SNCAIP: variants seen among roughly 807,000 people sequenced by gnomAD.
SNCAIP encodes synuclein alpha interacting protein.
A neutral mutation model predicts 86.7 loss-of-function variants in SNCAIP; 43 were observed. That is an observed-to-expected ratio of 0.50 (90% CI 0.39 to 0.64). SNCAIP has a LOEUF of 0.64. Ranked by LOEUF, SNCAIP falls within the 30% of genes least tolerant of loss-of-function variation. The pLI, the probability that SNCAIP is intolerant of heterozygous loss-of-function variation, is 0.00. For synonymous variants in SNCAIP, 417 were observed against 427.2 expected (o/e 0.98, Z 0.29); for missense variants, 981 against 1,103.1 (o/e 0.89, Z 1.57).
chr5:122,399,796 A>C (rs2152862612), intron 2 of SNCAIP, among the ~76,000 whole-genome samples: 1 of 152,288 alleles, frequency 6.6e-6, no homozygotes, highest in African/African-American at 2.4e-5. Context: ...ATCAGGAAAT[A>C]ATATAGGACA....
intron 5 of SNCAIP, among the ~76,000 whole-genome samples, chr5:122,427,064 T>C (rs1419796556): frequency 6.6e-6 from 1 of 152,222 alleles, no homozygotes; most frequent in Non-Finnish European, 1.5e-5. Context: ...ATTCTTGCAG[T>C]GCTAATGAGT....
At chr5:122,423,890 G>A (rs957046257) in intron 4 of SNCAIP, 151 bp downstream of exon 4, 6 of 668,936 alleles carry the variant, frequency 9.0e-6, no homozygotes, top group Non-Finnish European at 1.2e-5. Flanking sequence ...GACCTTTTGA[G>A]TTTTAAAATA....
At chr5:122,442,453 A>C (rs1581298312) in intron 7 of SNCAIP, among the ~76,000 whole-genome samples, 1 of 152,298 alleles carries the variant, frequency 6.6e-6, no homozygotes, top group East Asian at 1.9e-4. Flanking sequence ...GAGAGCTGAA[A>C]GTTTTTCTAT....
At chr5:122,391,916 C>T (rs919101936) in intron 2 of SNCAIP, among the ~76,000 whole-genome samples, 2 of 152,156 alleles carry the variant, frequency 1.3e-5, no homozygotes, top group Non-Finnish European at 2.9e-5. Context: ...GCCTGGAGTG[C>T]CCCAGCAAAA....
intron 2 of SNCAIP, among the ~76,000 whole-genome samples, chr5:122,397,157 A>C (rs565857329): frequency 2.0e-5 from 3 of 152,276 alleles, no homozygotes; most frequent in Non-Finnish European, 4.4e-5. Context: ...AATTAGCTAG[A>C]AAATGGTGAA....
chr5:122,350,761 G>C (rs943019002), intron 1 of SNCAIP, among the ~76,000 whole-genome samples: 1 of 152,200 alleles, frequency 6.6e-6, no homozygotes, highest in African/African-American at 2.4e-5. Context: ...TTTGCAGCAA[G>C]CCTGACCAAA....
chr5:122,389,110 T>C (rs983899484), intron 1 of SNCAIP: 2 of 152,264 alleles, frequency 1.3e-5, no homozygotes, highest in Non-Finnish European at 2.9e-5. Context: ...TACACTCAAC[T>C]GGATATTGCT....
chr5:122,400,528 C>T (rs1465889729), intron 2 of SNCAIP, among the ~76,000 whole-genome samples: 1 of 152,132 alleles, frequency 6.6e-6, no homozygotes, highest in African/African-American at 2.4e-5. Flanking sequence ...TTATGGAAGC[C>T]AACACCTACA....
intron 2 of SNCAIP, among the ~76,000 whole-genome samples, chr5:122,400,739 G>C (rs1342492330): frequency 2.6e-5 from 4 of 152,206 alleles, no homozygotes; most frequent in Admixed American, 2.6e-4. Context: ...GGAACAGAAA[G>C]TAAACAAAAT....
intron 3 of SNCAIP, among the ~76,000 whole-genome samples, chr5:122,417,463 G>A (rs545562505): frequency 3.3e-5 from 5 of 152,260 alleles, no homozygotes; most frequent in African/African-American, 1.2e-4. Flanking sequence ...ATGTTTTGTA[G>A]GAAATAGATG....
intron 1 of SNCAIP, among the ~76,000 whole-genome samples, chr5:122,328,811 G>C (rs745480754): frequency 6.6e-6 from 1 of 152,122 alleles, no homozygotes; most frequent in Admixed American, 6.5e-5. Context: ...TTGCCCACTT[G>C]TCCAGCTTCA....
chr5:122,399,890 C>G (rs1434914164), intron 2 of SNCAIP, among the ~76,000 whole-genome samples: 1 of 152,038 alleles, frequency 6.6e-6, no homozygotes, highest in African/African-American at 2.4e-5. Context: ...CTCAGAGTTC[C>G]TGATTCAGTA....
chr5:122,384,788 A>G (rs893700126), intron 1 of SNCAIP, among the ~76,000 whole-genome samples: 1 of 152,168 alleles, frequency 6.6e-6, no homozygotes, highest in Non-Finnish European at 1.5e-5. Flanking sequence ...TCTTACAAAC[A>G]TGCCAGAAAT....
intron 8 of SNCAIP, among the ~76,000 whole-genome samples, chr5:122,445,862 C>T (rs1782190258): frequency 6.6e-6 from 1 of 151,542 alleles, no homozygotes; most frequent in Admixed American, 6.6e-5. Context: ...GGGAAATGTC[C>T]CTTCTCTCTC....
At chr5:122,362,521 G>A (rs376634574) in intron 1 of SNCAIP, among the ~76,000 whole-genome samples, 5 of 152,154 alleles carry the variant, frequency 3.3e-5, no homozygotes, top group African/African-American at 1.2e-4. Context: ...CAGTATTGAC[G>A]TGAAGAGAAT....
chr5:122,422,448 A>G (rs147357175), intron 3 of SNCAIP, among the ~76,000 whole-genome samples: 31 of 152,314 alleles, frequency 2.0e-4, no homozygotes, highest in Non-Finnish European at 3.2e-4. Context: ...ATGTGTGTGC[A>G]TGTGTGCATA....
chr5:122,322,854 A>G (rs913325361), intron 1 of SNCAIP, among the ~76,000 whole-genome samples: 1 of 152,224 alleles, frequency 6.6e-6, no homozygotes, highest in Admixed American at 6.5e-5. Flanking sequence ...AGAATTTTGC[A>G]TCTGTTGGCT....
rs192864747 is a variant in SNCAIP, at chr5:122,454,039, G to A, written c.2754+2438G>A. Among the ~76,000 whole-genome samples, 28 of 152,238 alleles carry A rather than the reference G, an allele frequency of 1.8e-4. No individual in the cohort carries two copies. The East Asian group carries it at 1.9e-3, about 10-fold the overall frequency. On this transcript the variant is annotated intron_variant, in intron 10 of 10. Transcript: ENST00000261368. ...CTTCCAAAGTGCTGGGTTTACAGGC[G>A]TGAGCCACCGCACCCAGTCATAAAA... is the stretch of plus-strand genomic sequence containing the variant.
At chr5:122,341,708 AGCCTTCATCTCTTGG>A (rs1380310539) in intron 1 of SNCAIP, among the ~76,000 whole-genome samples, 2 of 152,184 alleles carry the variant, frequency 1.3e-5, no homozygotes, top group African/African-American at 4.8e-5. Flanking sequence ...AGAGCAGTAG[AGCCTTCATCTCTTGG>A]GGATCTGTAG....
Sources: gnomAD v4.1 joint callset for allele counts (sites outside exome capture counted in the v4.1 genomes callset) on GRCh38, gnomAD v4.1.1 for gene constraint, MANE v1.5 for transcripts, NCBI Gene and HGNC (gene_info 2026-07-23, HGNC 2026-07-21) for gene names.